The following HIPK2 variants were observed in gnomAD, a reference collection of about 807,000 sequenced individuals.
HIPK2 encodes homeodomain-interacting protein kinase 2.
A neutral mutation model predicts 113.7 loss-of-function variants in HIPK2; 27 were observed. The observed-to-expected ratio is 0.24, with a 90% CI of 0.17 to 0.33. HIPK2 has a LOEUF of 0.33. Ranked by LOEUF, HIPK2 falls within the 10% of genes least tolerant of loss-of-function variation. The probability of loss-of-function intolerance (pLI) is 1.00; values close to 1 mark genes in which losing one functional copy is unlikely to be tolerated. For missense variants in HIPK2, 1,257 were observed against 1,588.0 expected (o/e 0.79, Z 3.54); for synonymous variants, 631 against 642.2 (o/e 0.98, Z 0.26).
At chr7:139,746,537 A>G (rs1796193250) in intron 1 of HIPK2, among the ~76,000 whole-genome samples, 1 of 152,190 alleles carries the variant, frequency 6.6e-6, no homozygotes, top group Non-Finnish European at 1.5e-5. Context: ...TGGGCTTGGC[A>G]CACTGTAGGC....
chr7:139,567,171 G>A lies in HIPK2; in HGVS notation c.*5756C>T, dbSNP rs991473473. The A allele has an allele frequency of 2.0e-5, 3 of 152,220 alleles. No individual in the cohort carries two copies. The highest frequency in any genetic ancestry group is 2.0e-4 in the Admixed American group (3 of 15,290). The allele number at this position is 152,220 out of a possible 1,614,324, so 9.4% of individuals were successfully genotyped here. On this transcript the variant is annotated 3_prime_UTR_variant, in exon 15 of 15. Coordinates refer to ENST00000406875, the MANE Select transcript of HIPK2 (RefSeq NM_022740.5). ...TGGAGATGAGAAGTGAGAGTTCTAA[G>A]GCATCAAAGTGGAAAAGTACTGCTA...
chr7:139,659,363 C>T (rs545805493), intron 2 of HIPK2, among the ~76,000 whole-genome samples: 4 of 152,372 alleles, frequency 2.6e-5, no homozygotes, highest in Non-Finnish European at 5.9e-5. Context: ...TTAATAACAT[C>T]CGATTCTTTC....
intron 2 of HIPK2, among the ~76,000 whole-genome samples, chr7:139,705,094 G>A (rs1458037694): frequency 6.6e-6 from 1 of 152,084 alleles, no homozygotes; most frequent in Non-Finnish European, 1.5e-5. Flanking sequence ...ATACGATGCT[G>A]GGCCTCCAGG....
At chr7:139,600,024 T>A (rs966106020) in intron 11 of HIPK2, among the ~76,000 whole-genome samples, 1 of 152,152 alleles carries the variant, frequency 6.6e-6, no homozygotes, top group African/African-American at 2.4e-5. Context: ...TTAGCAAGAA[T>A]CCTGTTAGGT....
chr7:139,710,017 T>C (rs562771425), intron 2 of HIPK2, among the ~76,000 whole-genome samples: 111 of 152,320 alleles, frequency 7.3e-4, no homozygotes, highest in African/African-American at 2.6e-3. Flanking sequence ...CCTTCATTCC[T>C]GAGTAACAAC....
At chr7:139,677,260 GACACACAC>G (rs71170909) in intron 2 of HIPK2, among the ~76,000 whole-genome samples, 1 of 150,072 alleles carries the variant, frequency 6.7e-6, no homozygotes, top group African/African-American at 2.5e-5. Context: ...TATATATGGA[GACACACAC>G]ACACACACAC....
Position 139,566,376 on chromosome 7 carries a change from A to G in HIPK2, c.*6551T>C, listed in dbSNP as rs1451841325. On this transcript the variant is annotated 3_prime_UTR_variant, in exon 15 of 15. Transcript: ENST00000406875. The surrounding 1 kb of genome is among the most constrained non-coding windows in gnomAD (Gnocchi z 4.1). ...TAGGGGGACTAATATTGCCGATCTCACAGGGCTACGGAGAAGATGAAACAG... is the reference window on the plus strand; with the variant it reads ...TAGGGGGACTAATATTGCCGATCTCGCAGGGCTACGGAGAAGATGAAACAG... 4 of 152,292 alleles carry G rather than the reference A, an allele frequency of 2.6e-5. No individual in the cohort carries two copies. Among genetic ancestry groups the G allele is most frequent in the Non-Finnish European group, 5.9e-5 (4 of 68,084 alleles). 9.4% of individuals were successfully genotyped at this position (152,292 alleles called of 1,614,324 possible).
chr7:139,603,898 T>C (rs1799524893), intron 10 of HIPK2, 183 bp downstream of exon 10: 2 of 213,808 alleles, frequency 9.4e-6, no homozygotes, highest in Non-Finnish European at 1.6e-5. Context: ...TCCTGGTATA[T>C]TATTTAAAAA....
intron 1 of HIPK2, among the ~76,000 whole-genome samples, chr7:139,751,895 C>T (rs1172633862): frequency 6.6e-6 from 1 of 152,084 alleles, no homozygotes; most frequent in East Asian, 1.9e-4. Flanking sequence ...ATACAAATAG[C>T]TCTTGCTCTC....
chr7:139,702,145 G>A lies in HIPK2; in HGVS notation c.1103+13787C>T, dbSNP rs940858590. On this transcript the variant is annotated intron_variant, in intron 2 of 14. Transcript: ENST00000406875. ...ACTCCAGCAGCGCAGGCCGGGGCAC[G>A]AGACAGCGGCGGGAGAGGCTGGGCA... Among the ~76,000 whole-genome samples, 1,052 of 152,300 alleles carry A rather than the reference G, an allele frequency of 6.9e-3. 17 individuals carry two copies. Among genetic ancestry groups the A allele is most frequent in the African/African-American group, 0.024 (999 of 41,532 alleles).
At position 139,575,369 on chromosome 7, in the gene HIPK2, G is replaced by A. The variant is rs73735016; in HGVS notation, c.2966-81C>T. The A allele has an allele frequency of 4.5e-3, 6,563 of 1,445,394 alleles. 238 individuals carry two copies. In the African/African-American group the frequency reaches 0.081, roughly 18 times the overall value. 89.5% of individuals were successfully genotyped at this position (1,445,394 alleles called of 1,614,324 possible). The stretch of plus-strand genomic sequence containing the variant: ...GATGCTACCCCACCAGAGAACAGTG[G>A]TCTTCCAGGAAGAAACATGTGCCTG... On this transcript the variant is annotated intron_variant, in intron 13 of 14. Coordinates refer to ENST00000406875, the MANE Select transcript of HIPK2 (RefSeq NM_022740.5).
rs778117000 is a variant in HIPK2, at chr7:139,625,043, G to A, written c.1619+1558C>T. ...TGCCTACTTCTGAGAAGCAGAAGCTGTCTGACAGGACTCCCTCAACTTTTC... is the reference window on the plus strand; with the variant it reads ...TGCCTACTTCTGAGAAGCAGAAGCTATCTGACAGGACTCCCTCAACTTTTC... On this transcript the variant is annotated intron_variant, in intron 6 of 14. Transcript: ENST00000406875. Among the ~76,000 whole-genome samples the A allele has an allele frequency of 2.0e-5, 3 of 152,276 alleles. No individual in the cohort carries two copies. In the East Asian group the frequency reaches 5.8e-4, roughly 29 times the overall value.
At chr7:139,618,759 G>A (rs909963231) in intron 7 of HIPK2, among the ~76,000 whole-genome samples, 5 of 152,132 alleles carry the variant, frequency 3.3e-5, no homozygotes, top group African/African-American at 7.2e-5. Flanking sequence ...TTGACATGAC[G>A]CCTGCATTGG....
chr7:139,680,404 CT>C (rs1802658020), intron 2 of HIPK2, among the ~76,000 whole-genome samples: 1 of 152,356 alleles, frequency 6.6e-6, no homozygotes, highest in African/African-American at 2.4e-5. Context: ...GCCAAGTCAA[CT>C]CTGGTTTTGG....
At chr7:139,589,516 G>A (rs1798946205) in intron 12 of HIPK2, among the ~76,000 whole-genome samples, 1 of 152,172 alleles carries the variant, frequency 6.6e-6, no homozygotes, top group African/African-American at 2.4e-5. Flanking sequence ...TCACTCAAAT[G>A]TGGAAATTGT....
intron 1 of HIPK2, among the ~76,000 whole-genome samples, chr7:139,749,171 A>G (rs1796239511): frequency 6.6e-6 from 1 of 152,216 alleles, no homozygotes; most frequent in Non-Finnish European, 1.5e-5. Context: ...AAATGAAGAA[A>G]GTCCCTCCTG....
chr7:139,628,385 C>T (rs1800500775), intron 5 of HIPK2, among the ~76,000 whole-genome samples: 1 of 152,190 alleles, frequency 6.6e-6, no homozygotes, highest in Non-Finnish European at 1.5e-5. Flanking sequence ...CTCATGATAA[C>T]ATCAGGCAGA....
At chr7:139,634,704 G>A (rs1262695635) in intron 2 of HIPK2, among the ~76,000 whole-genome samples, 2 of 93,136 alleles carry the variant, frequency 2.1e-5, no homozygotes, top group African/African-American at 1.4e-4. Flanking sequence ...TTGAGACAGA[G>A]TCTTGCTCTG....
At chr7:139,660,700 G>A (rs561521869) in intron 2 of HIPK2, among the ~76,000 whole-genome samples, 2 of 152,296 alleles carry the variant, frequency 1.3e-5, no homozygotes, top group African/African-American at 4.8e-5. Flanking sequence ...AGTCCTTGAG[G>A]CTAGTGCTGA....
Sources: allele counts gnomAD v4.1 joint callset (sites outside exome capture counted in the v4.1 genomes callset), GRCh38; gene constraint gnomAD v4.1.1; non-coding constraint Gnocchi (gnomAD v3.1); transcripts MANE v1.5; gene names NCBI Gene and HGNC (gene_info 2026-07-23, HGNC 2026-07-21).